MDM4: variants seen among roughly 807,000 people sequenced by gnomAD.
MDM4 encodes protein Mdm4.
MDM4 carries 2 observed loss-of-function variants against 60.2 expected under a neutral mutation model. The ratio of observed to expected loss-of-function variants is 0.03; its 90% CI spans 0.01 to 0.10. MDM4 has a LOEUF of 0.10. MDM4 is among the 10% of genes least tolerant of loss of function. The pLI is 1.00. For synonymous variants in MDM4, 202 were observed against 198.1 expected (o/e 1.02, Z -0.17); for missense variants, 447 against 577.5 (o/e 0.77, Z 2.32).
intron 1 of MDM4, among the ~76,000 whole-genome samples, chr1:204,520,235 G>C (rs934818555): frequency 7.1e-6 from 1 of 141,360 alleles, no homozygotes; most frequent in African/African-American, 2.7e-5. Flanking sequence ...GGGAGATCTC[G>C]CCACTGCACT....
At chr1:204,524,922 C>A (rs184520227) in intron 1 of MDM4, among the ~76,000 whole-genome samples, 1 of 152,176 alleles carries the variant, frequency 6.6e-6, no homozygotes, top group Admixed American at 6.5e-5. Flanking sequence ...ATGTCCATCT[C>A]GGTTTAACCC....
At chr1:204,546,900 AT>A in intron 10 of MDM4, 23 bp downstream of exon 10, 1 of 1,437,424 alleles carries the variant, frequency 7.0e-7, no homozygotes, top group Admixed American at 1.7e-5. Flanking sequence ...AGCAAGAACT[AT>A]TTTGCACCAG....
At chr1:204,529,400 G>C in intron 3 of MDM4, 1 of 1,187,746 alleles carries the variant, frequency 8.4e-7, no homozygotes, top group South Asian at 1.2e-5. Context: ...GCTGGGCACC[G>C]TAGGAATTTG....
chr1:204,544,627 T>C lies in MDM4; in HGVS notation c.765T>C (p.Val255=). ...VSEQLGVGIK[V]EAADTEQTSE... ...AGCAGTTAGGTGTTGGAATAAAAGT[T>C]GAAGCTGCTGATACTGAACAAACAA... Residue 255 remains valine (V), a synonymous_variant, in exon 9 of 11, where the codon GTT becomes GTC. Transcript: ENST00000367182. 1 of 1,613,906 alleles carries C rather than the reference T, an allele frequency of 6.2e-7. No homozygotes were observed. The highest frequency in any genetic ancestry group is 8.5e-7 in the Non-Finnish European group (1 of 1,179,900).
intron 1 of MDM4, among the ~76,000 whole-genome samples, chr1:204,520,559 C>T (rs954596829): frequency 6.6e-6 from 1 of 152,056 alleles, no homozygotes; most frequent in Non-Finnish European, 1.5e-5. Flanking sequence ...AGGTTATGAT[C>T]AGAGTCTTAG....
intron 5 of MDM4, among the ~76,000 whole-genome samples, chr1:204,534,962 T>A (rs1661248785): frequency 6.6e-6 from 1 of 152,124 alleles, no homozygotes; most frequent in Non-Finnish European, 1.5e-5. Context: ...TAATTCTGAT[T>A]GGTTATCTGT....
intron 1 of MDM4, among the ~76,000 whole-genome samples, chr1:204,517,407 G>GT (rs1191847341): frequency 6.6e-6 from 1 of 151,696 alleles, no homozygotes; most frequent in Non-Finnish European, 1.5e-5. Context: ...TTTTTGTTTT[G>GT]TTTTTGTTTT....
intron 1 of MDM4, 44 bp downstream of exon 1, chr1:204,516,553 C>G: frequency 6.6e-6 from 1 of 152,314 alleles, no homozygotes; most frequent in East Asian, 1.9e-4. Flanking sequence ...GGAGCGGGAG[C>G]TGGAGAGTGA....
At chr1:204,528,789 C>T in intron 3 of MDM4, 2 of 1,130,546 alleles carry the variant, frequency 1.8e-6, no homozygotes, top group Non-Finnish European at 2.6e-6. Flanking sequence ...ACTTCTGTCA[C>T]TCTAGGAAGC....
intron 1 of MDM4, among the ~76,000 whole-genome samples, chr1:204,525,164 A>G (rs1240688159): frequency 6.6e-6 from 1 of 152,202 alleles, no homozygotes; most frequent in Non-Finnish European, 1.5e-5. Context: ...CCTGATAACC[A>G]TTGGGGAGAT....
intron 5 of MDM4, among the ~76,000 whole-genome samples, chr1:204,533,644 C>CA (rs1178581532): frequency 1.3e-5 from 2 of 152,232 alleles, no homozygotes; most frequent in Non-Finnish European, 2.9e-5. Flanking sequence ...GCGTGTGAAC[C>CA]ACTGCACTTG....
chr1:204,546,145 T>TA (rs1572520086), intron 9 of MDM4, among the ~76,000 whole-genome samples: 1 of 152,290 alleles, frequency 6.6e-6, no homozygotes, highest in Non-Finnish European at 1.5e-5. Context: ...TCTGCTTAGA[T>TA]AAAAAATTGC....
At chr1:204,534,547 G>T (rs1271131491) in intron 5 of MDM4, among the ~76,000 whole-genome samples, 1 of 151,948 alleles carries the variant, frequency 6.6e-6, no homozygotes, top group Non-Finnish European at 1.5e-5. Flanking sequence ...GAGTGCAGTG[G>T]CAAGATCTCG....
intron 9 of MDM4, among the ~76,000 whole-genome samples, chr1:204,545,114 A>G (rs986607250): frequency 1.3e-5 from 2 of 152,042 alleles, no homozygotes; most frequent in African/African-American, 4.8e-5. Context: ...GTGTTAGTGT[A>G]TTTTATGTGT....
At position 204,525,469 on chromosome 1, in the gene MDM4, T is replaced by G. The variant is rs1207185484; in HGVS notation, c.-35-15T>G. 6.4e-7 allele frequency: 1 copy of G among 1,565,712 alleles called. No homozygotes were observed. On this transcript the variant is annotated splice_polypyrimidine_tract_variant and intron_variant, in intron 1 of 10. Transcript: ENST00000367182. Reference sequence around the variant, plus strand: ...TGCATTAGAATAGATGTTATAAATTTTTTTTTCTATTTAGTTTTACCAACA... The same window carrying G: ...TGCATTAGAATAGATGTTATAAATTGTTTTTTCTATTTAGTTTTACCAACA...
rs1419841121 is a variant in MDM4, at chr1:204,549,395, G to A, written c.1186G>A (p.Asp396Asn). 1.2e-6 allele frequency: 2 copies of A among 1,613,732 alleles called. No homozygotes were observed. Among genetic ancestry groups the A allele is most frequent in the African/African-American group, 2.7e-5 (2 of 74,854 alleles). Residue 396 changes from aspartate (D) to asparagine (N), a missense_variant, in exon 11 of 11, where the codon GAT becomes AAT. Physicochemically the swap from Asp to Asn is conservative, Grantham distance 23. Coordinates refer to ENST00000367182, the MANE Select transcript of MDM4 (RefSeq NM_002393.5). ...TCCCTGCAACTCAGTGGAATTCTTG[G>A]ATTTGGCTCACAGTTCTGAAAGCCA... is the stretch of plus-strand genomic sequence containing the variant. ...FDPCNSVEFL[D>N]LAHSSESQET...
intron 6 of MDM4, 194 bp from the exon 7 acceptor site, chr1:204,538,015 G>A (rs1661595180): frequency 6.5e-6 from 5 of 766,448 alleles, no homozygotes; most frequent in African/African-American, 1.7e-5. Flanking sequence ...CCAGGTTTGG[G>A]ATTCTTCTAG....
intron 1 of MDM4, among the ~76,000 whole-genome samples, chr1:204,517,767 AC>A (rs1659138748): frequency 6.6e-6 from 1 of 152,128 alleles, no homozygotes; most frequent in South Asian, 2.1e-4. Flanking sequence ...GGCACGTGGA[AC>A]TAGTATCTGT....
In MDM4 at chr1:204,517,394, GTGTTTTTGTTT is replaced by G. The variant is rs552162961; in HGVS notation, c.-36+898_-36+908del. ...TTGAAAACCACAGGTTTTTTTGGTT[GTGTTTTTGTTT>G]TGTTTTTGTTTTTTTTGAGTGGAGT... On this transcript the variant is annotated intron_variant, in intron 1 of 10. Transcript: ENST00000367182. 3.1e-4 allele frequency among the ~76,000 whole-genome samples: 47 copies of G among 152,110 alleles called. No individual in the cohort carries two copies. In the East Asian group the frequency reaches 4.4e-3, roughly 14 times the overall value.
Sources: gnomAD v4.1 joint callset for allele counts (sites outside exome capture counted in the v4.1 genomes callset) on GRCh38, gnomAD v4.1.1 for gene constraint, MANE v1.5 for transcripts, NCBI Gene and HGNC (gene_info 2026-07-23, HGNC 2026-07-21) for gene names.